Variants in SIPA1L1 observed in about 807,000 individuals in gnomAD.
SIPA1L1 encodes the protein signal induced proliferation associated 1 like 1, also known as signal-induced proliferation-associated 1-like protein 1.
Under a neutral mutation model 162.7 loss-of-function variants are expected in SIPA1L1, and 26 were observed. That is an observed-to-expected ratio of 0.16 (90% CI 0.12 to 0.22). The LOEUF (loss-of-function observed/expected upper bound fraction) is 0.22. SIPA1L1 is among the 10% of genes least tolerant of loss of function. The probability of loss-of-function intolerance (pLI) is 1.00; values close to 1 mark genes in which losing one functional copy is unlikely to be tolerated. For missense variants in SIPA1L1, 1,874 were observed against 2,241.0 expected (o/e 0.84, Z 3.31); for synonymous variants, 829 against 837.4 (o/e 0.99, Z 0.17).
At chr14:71,708,125 G>A (rs904328601) in intron 16 of SIPA1L1, among the ~76,000 whole-genome samples, 4 of 141,614 alleles carry the variant, frequency 2.8e-5, no homozygotes, top group African/African-American at 1.0e-4. Context: ...TTTTTATGAA[G>A]TCCAGTTTAT....
intron 7 of SIPA1L1, among the ~76,000 whole-genome samples, chr14:71,627,972 G>A (rs2040198847): frequency 1.3e-5 from 2 of 151,660 alleles, no homozygotes; most frequent in African/African-American, 2.4e-5. Flanking sequence ...GTAGAATATT[G>A]GAATATTCTG....
intron 13 of SIPA1L1, among the ~76,000 whole-genome samples, chr14:71,687,075 G>A (rs921786134): frequency 6.6e-6 from 1 of 152,138 alleles, no homozygotes; most frequent in African/African-American, 2.4e-5. Context: ...ACTATTTTAG[G>A]TTACTAGGAT....
At chr14:71,681,074 C>T (rs982882233) in intron 12 of SIPA1L1, among the ~76,000 whole-genome samples, 15 of 152,162 alleles carry the variant, frequency 9.9e-5, no homozygotes, top group Non-Finnish European at 4.4e-5. Context: ...ATTAAAACAG[C>T]GATGAGAATG....
intron 2 of SIPA1L1, among the ~76,000 whole-genome samples, chr14:71,481,727 A>G (rs560817546): frequency 6.6e-6 from 1 of 152,368 alleles, no homozygotes; most frequent in South Asian, 2.1e-4. Context: ...ACCATTAAAA[A>G]TTAGTGAGGG....
rs574739698 is a variant in SIPA1L1, at chr14:71,347,072, C to T, written c.-465+25891C>T. 9.9e-5 allele frequency among the ~76,000 whole-genome samples: 15 copies of T among 152,020 alleles called. 1 individual carries two copies. Among genetic ancestry groups the T allele is most frequent in the South Asian group, 8.3e-4 (4 of 4,802 alleles). On this transcript the variant is annotated intron_variant, in intron 2 of 23. Coordinates refer to ENST00000381232, the MANE Select transcript of SIPA1L1 (RefSeq NM_001386936.1). ...GTTCAGGCGATTCTCCTGTCTCAGC[C>T]CCCCGAGTAGTTGGGATTACAGGCA...
At chr14:71,499,434 G>T (rs1364414829) in intron 2 of SIPA1L1, among the ~76,000 whole-genome samples, 1 of 152,114 alleles carries the variant, frequency 6.6e-6, no homozygotes, top group Non-Finnish European at 1.5e-5. Context: ...GCGTATTGTT[G>T]ACCAGATTTT....
At chr14:71,498,081 T>C (rs1019017238) in intron 2 of SIPA1L1, among the ~76,000 whole-genome samples, 4 of 152,236 alleles carry the variant, frequency 2.6e-5, no homozygotes, top group African/African-American at 9.6e-5. Flanking sequence ...ATCTCCCTAA[T>C]GGCTAATGGT....
At chr14:71,481,719 C>T (rs542280263) in intron 2 of SIPA1L1, among the ~76,000 whole-genome samples, 1 of 152,024 alleles carries the variant, frequency 6.6e-6, no homozygotes, top group South Asian at 2.1e-4. Context: ...AGTAGAAAAC[C>T]ATTAAAAATT....
At chr14:71,520,776 A>G (rs908526613) in intron 3 of SIPA1L1, among the ~76,000 whole-genome samples, 5 of 152,074 alleles carry the variant, frequency 3.3e-5, no homozygotes, top group Admixed American at 3.3e-4. Context: ...TTTTTGACAC[A>G]GGGCCTCACT....
At chr14:71,627,595 T>C (rs2040157843) in intron 7 of SIPA1L1, among the ~76,000 whole-genome samples, 1 of 152,212 alleles carries the variant, frequency 6.6e-6, no homozygotes, top group Non-Finnish European at 1.5e-5. Context: ...TGATCTTCAC[T>C]TACAGTACAG....
intron 17 of SIPA1L1, among the ~76,000 whole-genome samples, chr14:71,713,550 C>A (rs2083037000): frequency 6.6e-6 from 1 of 152,182 alleles, no homozygotes; most frequent in Non-Finnish European, 1.5e-5. Context: ...TGGTTAAAGA[C>A]CAAGAAAAAT....
intron 8 of SIPA1L1, 79 bp from the exon 9 acceptor site, chr14:71,658,254 T>A: frequency 3.9e-6 from 3 of 760,244 alleles, no homozygotes; most frequent in Non-Finnish European, 6.7e-6. Context: ...TCTTCTCTTT[T>A]CTTTTTTGAG....
chr14:71,425,142 C>G (rs1363710060), intron 2 of SIPA1L1, among the ~76,000 whole-genome samples: 1 of 151,786 alleles, frequency 6.6e-6, no homozygotes, highest in African/African-American at 2.4e-5. Flanking sequence ...TTGAATCTTC[C>G]CTTTTTGTGT....
At chr14:71,360,829 A>G (rs956128894) in intron 2 of SIPA1L1, among the ~76,000 whole-genome samples, 2 of 152,218 alleles carry the variant, frequency 1.3e-5, no homozygotes, top group African/African-American at 2.4e-5. Context: ...CTAAAATTAC[A>G]TTAGAGGAAA....
chr14:71,416,765 A>G (rs1018763574), intron 2 of SIPA1L1, among the ~76,000 whole-genome samples: 5 of 151,924 alleles, frequency 3.3e-5, no homozygotes, highest in African/African-American at 1.2e-4. Flanking sequence ...ATGCACACAC[A>G]CACAACCTTG....
intron 3 of SIPA1L1, among the ~76,000 whole-genome samples, chr14:71,529,001 A>G (rs755177600): frequency 6.6e-6 from 1 of 152,038 alleles, no homozygotes; most frequent in Non-Finnish European, 1.5e-5. Context: ...AATCTCAGCT[A>G]CTAGGGAGGT....
rs527510064 is a variant in SIPA1L1, at chr14:71,515,650, T to C, written c.-362+2805T>C. 3.3e-5 allele frequency among the ~76,000 whole-genome samples: 5 copies of C among 152,262 alleles called. No individual in the cohort carries two copies. The East Asian group carries it at 5.8e-4, about 18-fold the overall frequency. ...AAATTCTGAACATTATTATATAATA[T>C]TTCTTTTTTTTTGAGATGGAGTCTT... On this transcript the variant is annotated intron_variant, in intron 3 of 23. Transcript: ENST00000381232.
At chr14:71,368,115 T>A (rs1018261101) in intron 2 of SIPA1L1, among the ~76,000 whole-genome samples, 1 of 150,590 alleles carries the variant, frequency 6.6e-6, no homozygotes, top group Non-Finnish European at 1.5e-5. Flanking sequence ...TTTTTGTACA[T>A]TTTGTTTGTT....
chr14:71,540,796 G>A (rs1313878334), intron 4 of SIPA1L1, among the ~76,000 whole-genome samples: 1 of 152,094 alleles, frequency 6.6e-6, no homozygotes, highest in East Asian at 1.9e-4. Flanking sequence ...CAAATATACA[G>A]TGAAAAGAAA....
Sources: allele counts gnomAD v4.1 joint callset (sites outside exome capture counted in the v4.1 genomes callset), GRCh38; gene constraint gnomAD v4.1.1; transcripts MANE v1.5; gene names NCBI Gene and HGNC (gene_info 2026-07-23, HGNC 2026-07-21).